Variants in UBQLN1 observed in about 807,000 individuals in gnomAD.
UBQLN1 encodes ubiquilin 1, also known as ubiquilin-1.
Under a neutral mutation model 65.4 loss-of-function variants are expected in UBQLN1, and 13 were observed. The ratio of observed to expected loss-of-function variants is 0.20; its 90% CI spans 0.13 to 0.32. The LOEUF (loss-of-function observed/expected upper bound fraction) is 0.32, where lower values mean the gene tolerates loss of function less well. Among genes scored for constraint, UBQLN1 ranks in the 10% least tolerant of loss-of-function variants. The pLI is 1.00. For missense variants in UBQLN1, 561 were observed against 724.0 expected (o/e 0.77, Z 2.58); for synonymous variants, 267 against 247.8 (o/e 1.08, Z -0.73).
In UBQLN1 at chr9:83,661,871, A is replaced by G; in HGVS notation, c.1686T>C (p.Arg562=). 6.2e-7 allele frequency: 1 copy of G among 1,614,038 alleles called. No individual in the cohort carries two copies. The highest frequency in any genetic ancestry group is 2.2e-5 in the East Asian group (1 of 44,870). The part of the protein sequence containing the change: ...EQLSAMGFLN[R]EANLQALIAT... Reference sequence around the variant, plus strand: ...CTATTAGAGCTTGCAAGTTTGCTTCACGGTTCAAAAATCCCATTGCACTGA... The same window carrying G: ...CTATTAGAGCTTGCAAGTTTGCTTCGCGGTTCAAAAATCCCATTGCACTGA... The change falls in exon 11 of 11, where the codon CGT becomes CGC. Residue 562 remains arginine (R), a synonymous_variant. Coordinates refer to ENST00000376395, the MANE Select transcript of UBQLN1 (RefSeq NM_013438.5).
At position 83,661,467 on chromosome 9, in the gene UBQLN1, T is replaced by C. The variant is rs1831560124; in HGVS notation, c.*320A>G. ...TTTTATTCTACATAAATTACTACCATAGGCTAATGTTTAAAAAGCAAATAA... is the reference window on the plus strand; with the variant it reads ...TTTTATTCTACATAAATTACTACCACAGGCTAATGTTTAAAAAGCAAATAA... On this transcript the variant is annotated 3_prime_UTR_variant, in exon 11 of 11. Transcript: ENST00000376395. The C allele has an allele frequency of 4.8e-6, 1 of 209,186 alleles. No homozygotes were observed. 13.0% of individuals were successfully genotyped at this position (209,186 alleles called of 1,614,324 possible).
chr9:83,678,064 C>T, intron 5 of UBQLN1, 103 bp from the exon 6 acceptor site: 2 of 927,918 alleles, frequency 2.2e-6, no homozygotes, highest in Non-Finnish European at 3.1e-6. Flanking sequence ...CTCTGTGACC[C>T]AGGCTGGAGT....
Position 83,663,948 on chromosome 9 carries a change from G to C in UBQLN1, c.1544C>G (p.Ala515Gly). The C allele has an allele frequency of 6.2e-7, 1 of 1,614,180 alleles. No homozygotes were observed. The highest frequency in any genetic ancestry group is 8.5e-7 in the Non-Finnish European group (1 of 1,180,018). The stretch of plus-strand genomic sequence containing the variant: ...CTGATGTCCAGGTTCAGTGGTTCCT[G>C]CTGTGGGACTTGTGTTTTCACTAGG... ...ATPSENTSPT[A>G]GTTEPGHQQF... Residue 515 changes from alanine (A) to glycine (G), a missense_variant, in exon 10 of 11, where the codon GCA (alanine) becomes GGA (glycine). Transcript: ENST00000376395.
Position 83,666,479 on chromosome 9 carries a change from C to A in UBQLN1, c.1249-46G>T, listed in dbSNP as rs371738602. On this transcript the variant is annotated intron_variant, in intron 7 of 10. Transcript: ENST00000376395. ...CAATTTTAACTGGAAATATCTGAAA[C>A]AAGTAATGTACCTTGTTTTATTCTA... The A allele has an allele frequency of 3.7e-5, 58 of 1,580,662 alleles. No individual in the cohort carries two copies. In the African/African-American group the frequency reaches 7.7e-4, roughly 21 times the overall value.
chr9:83,677,711 G>T lies in UBQLN1; in HGVS notation c.1105+16C>A, dbSNP rs1831859938. ...GAGGACAACAAAGAAAAAAGCCTGA[G>T]TTGTTAAAAGCATACCTCCTACTCC... On this transcript the variant is annotated intron_variant, in intron 6 of 10. Transcript: ENST00000376395. 1.3e-6 allele frequency: 2 copies of T among 1,583,160 alleles called. No homozygotes were observed. The highest frequency in any genetic ancestry group is 2.3e-5 in the East Asian group (1 of 44,440).
rs148231237 is a variant in UBQLN1, at chr9:83,677,762, C to T, written c.1070G>A (p.Ser357Asn). The change falls in exon 6 of 11, where the codon AGT (serine) becomes AAT (asparagine). Residue 357 changes from serine (S) to asparagine (N), a missense_variant. Ser to Asn is a conservative substitution (Grantham distance 46). Coordinates refer to ENST00000376395, the MANE Select transcript of UBQLN1 (RefSeq NM_013438.5). ...AGGCACCAAATTTGGCGCAGTAGTACTCTGCCCAGAAGTGCCACTGGCAGT... is the reference window on the plus strand; with the variant it reads ...AGGCACCAAATTTGGCGCAGTAGTATTCTGCCCAGAAGTGCCACTGGCAGT... Reference protein sequence around the residue: ...GSTASGTSGQSTTAPNLVPGV... With the variant: ...GSTASGTSGQNTTAPNLVPGV... 7 of 1,613,944 alleles carry T rather than the reference C, an allele frequency of 4.3e-6. No individual in the cohort carries two copies. The highest frequency in any genetic ancestry group is 5.9e-6 in the Non-Finnish European group (7 of 1,180,004).
chr9:83,678,183 A>C (rs184136792), intron 5 of UBQLN1, among the ~76,000 whole-genome samples: 3,051 of 151,668 alleles, frequency 0.02, 53 homozygotes, highest in Middle Eastern at 0.034. Flanking sequence ...CACCACGCCC[A>C]GCTAATTTTT....
intron 6 of UBQLN1, among the ~76,000 whole-genome samples, chr9:83,672,712 T>C (rs944421518): frequency 2.6e-5 from 4 of 152,214 alleles, no homozygotes; most frequent in African/African-American, 7.2e-5. Flanking sequence ...ATTATCAAAA[T>C]GTGACACAGA....
intron 1 of UBQLN1, among the ~76,000 whole-genome samples, chr9:83,692,995 T>C (rs191910704): frequency 5.9e-5 from 9 of 152,358 alleles, no homozygotes; most frequent in Admixed American, 3.3e-4. Context: ...TGGTCACTAT[T>C]AACTCAAAAT....
intron 10 of UBQLN1, 42 bp downstream of exon 10, chr9:83,663,833 A>G: frequency 6.4e-7 from 1 of 1,563,008 alleles, no homozygotes; most frequent in Non-Finnish European, 8.6e-7. Flanking sequence ...CTAAATTTCC[A>G]ACATTAAGGA....
At chr9:83,694,644 A>G (rs1832179712) in intron 1 of UBQLN1, among the ~76,000 whole-genome samples, 1 of 152,262 alleles carries the variant, frequency 6.6e-6, no homozygotes, top group Admixed American at 6.5e-5. Flanking sequence ...TCTGACAAGA[A>G]TAACAAACTA....
Position 83,707,587 on chromosome 9 carries a change from G to C in UBQLN1, c.93C>G (p.Ser31=). The change falls in exon 1 of 11, where the codon TCC becomes TCG. Residue 31 remains serine (S), a synonymous_variant. Transcript: ENST00000376395. ...EGAGAPAAAA[S]AEPKIMKVTV... ...TGACTTTCATGATTTTGGGCTCCGC[G>C]GAGGCAGCGGCCGCGGGGGCGCCAG... 1 of 1,605,966 alleles carries C rather than the reference G, an allele frequency of 6.2e-7. No homozygotes were observed. The highest frequency in any genetic ancestry group is 8.5e-7 in the Non-Finnish European group (1 of 1,176,782).
intron 1 of UBQLN1, among the ~76,000 whole-genome samples, chr9:83,699,762 G>A (rs1215183428): frequency 1.3e-5 from 2 of 152,150 alleles, no homozygotes; most frequent in Non-Finnish European, 2.9e-5. Flanking sequence ...TTTCTGTTAC[G>A]GGCTAGACAG....
At chr9:83,697,295 G>GT (rs1411577068) in intron 1 of UBQLN1, among the ~76,000 whole-genome samples, 1 of 146,802 alleles carries the variant, frequency 6.8e-6, no homozygotes, top group Non-Finnish European at 1.5e-5. Context: ...GCTCACGCCT[G>GT]TAATTCCAGC....
At position 83,666,264 on chromosome 9, in the gene UBQLN1, C is replaced by T. The variant is rs1831641541; in HGVS notation, c.1332+86G>A. 1.5e-5 allele frequency: 20 copies of T among 1,317,428 alleles called. No homozygotes were observed. In the South Asian group the frequency reaches 2.3e-4, roughly 15 times the overall value. The allele number at this position is 1,317,428 out of a possible 1,614,324, so 81.6% of individuals were successfully genotyped here. A position where few individuals can be genotyped will look rare whatever the true frequency, so the allele number is the denominator to read the frequency against. ...TCTCTATTCTATGTTTTGCTATCAG[C>T]CAGAGAAGAGCAAGGAAAAATGTTT... On this transcript the variant is annotated intron_variant, in intron 8 of 10. Coordinates refer to ENST00000376395, the MANE Select transcript of UBQLN1 (RefSeq NM_013438.5).
chr9:83,697,278 C>T (rs746144812), intron 1 of UBQLN1, among the ~76,000 whole-genome samples: 20 of 146,892 alleles, frequency 1.4e-4, no homozygotes, highest in Non-Finnish European at 2.7e-4. Context: ...ATAGGCCAGG[C>T]GCGGTGGCTC....
At chr9:83,691,390 G>A (rs1255816775) in intron 1 of UBQLN1, among the ~76,000 whole-genome samples, 1 of 152,110 alleles carries the variant, frequency 6.6e-6, no homozygotes, top group Non-Finnish European at 1.5e-5. Context: ...ATCCAAAACA[G>A]CTGTAATCTC....
chr9:83,669,722 T>C (rs1831700682), intron 6 of UBQLN1, among the ~76,000 whole-genome samples: 1 of 152,232 alleles, frequency 6.6e-6, no homozygotes, highest in Non-Finnish European at 1.5e-5. Context: ...CACTTAATAT[T>C]GCCCACCCTT....
intron 1 of UBQLN1, among the ~76,000 whole-genome samples, chr9:83,700,986 G>A (rs558565490): frequency 1.3e-5 from 2 of 152,208 alleles, no homozygotes; most frequent in South Asian, 4.1e-4. Context: ...TGACCAGTAG[G>A]CTACTGCAGT....
Sources: gnomAD v4.1 joint callset for allele counts (sites outside exome capture counted in the v4.1 genomes callset) on GRCh38, gnomAD v4.1.1 for gene constraint, MANE v1.5 for transcripts, NCBI Gene and HGNC (gene_info 2026-07-23, HGNC 2026-07-21) for gene names.